Variants in PIGN observed in about 807,000 individuals in gnomAD.
PIGN encodes phosphatidylinositol glycan anchor biosynthesis class N.
Under a neutral mutation model 125.4 loss-of-function variants are expected in PIGN, and 117 were observed. The ratio of observed to expected loss-of-function variants is 0.93; its 90% confidence interval spans 0.80 to 1.09. PIGN has a LOEUF of 1.09. Among genes scored for constraint, PIGN ranks in the 50% least tolerant of loss-of-function variants. The pLI is 0.00. For missense variants in PIGN, 1,075 were observed against 1,094.9 expected, an observed-to-expected ratio of 0.98 and a Z score of 0.26; for synonymous variants, 392 against 377.8, an observed-to-expected ratio of 1.04 and a Z score of -0.44.
Position 62,050,712 on chromosome 18 carries a change from C to T in PIGN, c.2673-4733G>A, listed in dbSNP as rs951604006. 1.2e-3 allele frequency among the ~76,000 whole-genome samples: 186 copies of T among 152,214 alleles called. 1 individual carries two copies. Among genetic ancestry groups the T allele is most frequent in the Non-Finnish European group, 2.2e-3 (147 of 68,020 alleles). On this transcript the variant is annotated intron_variant, in intron 30 of 30. Transcript: ENST00000640252. ...TTTACTTCCTTCTCCTGCCTAATTG[C>T]CCTGGCCAGAACTTCCAACACTATG...
At chr18:62,032,274 T>C (rs1217757554) in intron 23 of PIGN, among the ~76,000 whole-genome samples, 1 of 152,240 alleles carries the variant, frequency 6.6e-6, no homozygotes, top group Non-Finnish European at 1.5e-5. Context: ...ACTGTGAACT[T>C]CCATGTCTTT....
intron 1 of PIGN, among the ~76,000 whole-genome samples, chr18:62,171,022 T>C (rs553034285): frequency 6.6e-6 from 1 of 152,254 alleles, no homozygotes; most frequent in African/African-American, 2.4e-5. Flanking sequence ...AGAAGCGAAG[T>C]CAGTATCTAT....
At chr18:62,175,817 G>T (rs1223558166) in intron 1 of PIGN, among the ~76,000 whole-genome samples, 1 of 152,068 alleles carries the variant, frequency 6.6e-6, no homozygotes, top group Non-Finnish European at 1.5e-5. Flanking sequence ...TTTTCCCCCA[G>T]TTCACTAAAA....
At position 62,092,381 on chromosome 18, in the gene PIGN, T is replaced by TA. The variant is rs201847106; in HGVS notation, c.2181-1804dup. On this transcript the variant is annotated intron_variant, in intron 23 of 30. Coordinates refer to ENST00000640252, the MANE Select transcript of PIGN (RefSeq NM_176787.5). ...CACTGTTCTTAAGACAATTACAAGT[T>TA]AAAAAAAGAAAGTTCACACCCAATG... Among the ~76,000 whole-genome samples the TA allele has an allele frequency of 2.4e-3, 369 of 152,094 alleles. 11 individuals carry two copies. The East Asian group carries it at 0.066, about 27-fold the overall frequency.
At chr18:62,115,869 T>C (rs1485487570) in intron 14 of PIGN, among the ~76,000 whole-genome samples, 1 of 152,052 alleles carries the variant, frequency 6.6e-6, no homozygotes, top group South Asian at 2.1e-4. Context: ...TCCCAGCACT[T>C]TGGGGGACCG....
intron 28 of PIGN, among the ~76,000 whole-genome samples, chr18:62,080,757 G>A (rs556577534): frequency 6.6e-6 from 1 of 152,156 alleles, no homozygotes; most frequent in East Asian, 1.9e-4. Context: ...CAGAGTTATG[G>A]GCTGCCAACC....
At chr18:62,159,082 A>G (rs1205836059) in intron 4 of PIGN, among the ~76,000 whole-genome samples, 1 of 152,178 alleles carries the variant, frequency 6.6e-6, no homozygotes, top group Admixed American at 6.5e-5. Flanking sequence ...CGTCTCTACC[A>G]AAGGTACAAA....
intron 2 of PIGN, among the ~76,000 whole-genome samples, chr18:62,163,269 C>T (rs1599667169): frequency 6.6e-6 from 1 of 151,908 alleles, no homozygotes; most frequent in Non-Finnish European, 1.5e-5. Flanking sequence ...GAGGTCCCAA[C>T]GAAAAAAGGA....
chr18:62,101,166 G>A lies in PIGN; in HGVS notation c.1986C>T (p.Leu662=), dbSNP rs745679323. The A allele has an allele frequency of 8.7e-6, 14 of 1,600,916 alleles. No individual in the cohort carries two copies. In the African/African-American group the frequency reaches 1.6e-4, roughly 18 times the overall value. The change falls in exon 22 of 31, where the codon CTC becomes CTT. Residue 662 remains leucine (L), a synonymous_variant. Transcript: ENST00000640252. ...GAGTGCTATACACAACATACATGGA[G>A]AGCACTGTGCTCAGCACCTAAAGAC... ...VHLLQVLSTV[L]SMYVVYSTQS...
intron 23 of PIGN, among the ~76,000 whole-genome samples, chr18:62,031,903 G>C (rs980814971): frequency 6.6e-6 from 1 of 152,058 alleles, no homozygotes; most frequent in Non-Finnish European, 1.5e-5. Flanking sequence ...CAGTTCCAAA[G>C]TCCTATATCC....
At chr18:62,087,473 A>G (rs954440383) in intron 25 of PIGN, among the ~76,000 whole-genome samples, 2 of 152,358 alleles carry the variant, frequency 1.3e-5, no homozygotes, top group African/African-American at 2.4e-5. Flanking sequence ...TGGCATATAC[A>G]TGGAGAGAAA....
chr18:62,071,936 C>T (rs2032901463), intron 30 of PIGN, among the ~76,000 whole-genome samples: 1 of 132,684 alleles, frequency 7.5e-6, no homozygotes, highest in South Asian at 2.5e-4. Context: ...TATCCTCAGG[C>T]AGGTCCTTCA....
intron 14 of PIGN, chr18:62,118,786 GAGAA>G (rs1159380137): frequency 2.0e-5 from 3 of 151,150 alleles, no homozygotes; most frequent in African/African-American, 7.3e-5. Flanking sequence ...AGAAGAGTGA[GAGAA>G]AGAGCTTTTA....
At position 62,161,117 on chromosome 18, in the gene PIGN, C is replaced by A. The variant is rs897722290; in HGVS notation, c.221+16G>T. The A allele has an allele frequency of 1.3e-6, 2 of 1,490,090 alleles. No individual in the cohort carries two copies. The highest frequency in any genetic ancestry group is 1.9e-6 in the Non-Finnish European group (2 of 1,072,032). The allele number at this position is 1,490,090 out of a possible 1,614,324, so 92.3% of individuals were successfully genotyped here. A position where few individuals can be genotyped will look rare whatever the true frequency, so the allele number is the denominator to read the frequency against. The stretch of plus-strand genomic sequence containing the variant: ...AACATTTTAAGAGATGTCTCTGTAT[C>A]AGTTTACATGCTTACCTAATAAACG... On this transcript the variant is annotated intron_variant, in intron 4 of 30. Coordinates refer to ENST00000640252, the MANE Select transcript of PIGN (RefSeq NM_176787.5).
chr18:62,030,625 G>A (rs906428978), intron 23 of PIGN, among the ~76,000 whole-genome samples: 3 of 152,134 alleles, frequency 2.0e-5, no homozygotes, highest in African/African-American at 7.2e-5. Context: ...AGGTTTATGT[G>A]CTGATATTTT....
chr18:62,152,372 G>T (rs1018580289), intron 7 of PIGN, among the ~76,000 whole-genome samples: 6 of 151,722 alleles, frequency 4.0e-5, no homozygotes, highest in African/African-American at 1.5e-4. Context: ...CTGTGTTGAC[G>T]TTAATGCCAG....
intron 11 of PIGN, among the ~76,000 whole-genome samples, chr18:62,141,962 A>C (rs2036152476): frequency 6.6e-6 from 1 of 152,136 alleles, no homozygotes; most frequent in Non-Finnish European, 1.5e-5. Flanking sequence ...TTGGCCTGCT[A>C]ATTCCTGCTT....
At chr18:62,035,635 T>A (rs954624077) in intron 23 of PIGN, among the ~76,000 whole-genome samples, 3 of 152,134 alleles carry the variant, frequency 2.0e-5, no homozygotes, top group African/African-American at 7.2e-5. Context: ...CATTAACTCA[T>A]CATTTACATT....
At chr18:62,091,909 T>C (rs1184831817) in intron 23 of PIGN, among the ~76,000 whole-genome samples, 3 of 152,224 alleles carry the variant, frequency 2.0e-5, no homozygotes, top group Non-Finnish European at 4.4e-5. Context: ...GTGAGTTATT[T>C]ATCTAATCAG....
Sources: allele counts gnomAD v4.1 joint callset (sites outside exome capture counted in the v4.1 genomes callset), GRCh38; gene constraint gnomAD v4.1.1; transcripts MANE v1.5; gene names NCBI Gene and HGNC (gene_info 2026-07-23, HGNC 2026-07-21).